MSRB3: variants seen among roughly 807,000 people sequenced by gnomAD.
The protein encoded by MSRB3 is methionine sulfoxide reductase B3.
A neutral mutation model predicts 21.0 loss-of-function variants in MSRB3; 13 were observed. The ratio of observed to expected loss-of-function variants is 0.62; its 90% confidence interval spans 0.40 to 0.98. The LOEUF (loss-of-function observed/expected upper bound fraction) is 0.98, where lower values mean the gene tolerates loss of function less well. Ranked by LOEUF, MSRB3 falls within the 50% of genes least tolerant of loss-of-function variation. The probability of loss-of-function intolerance (pLI) is 0.00; values close to 1 mark genes in which losing one functional copy is unlikely to be tolerated. For synonymous variants in MSRB3, 87 were observed against 88.6 expected, an observed-to-expected ratio of 0.98 and a Z score of 0.10; for missense variants, 199 against 230.3, an observed-to-expected ratio of 0.86 and a Z score of 0.88.
At chr12:65,356,750 A>G (rs1253871796) in intron 4 of MSRB3, among the ~76,000 whole-genome samples, 4 of 151,908 alleles carry the variant, frequency 2.6e-5, no homozygotes, top group African/African-American at 9.7e-5. Flanking sequence ...AAATTCTTCA[A>G]TTGTGCTTTT....
intron 4 of MSRB3, among the ~76,000 whole-genome samples, chr12:65,340,595 A>T (rs1876073116): frequency 6.6e-6 from 1 of 152,130 alleles, no homozygotes; most frequent in African/African-American, 2.4e-5. Flanking sequence ...CATCCAGATA[A>T]ATTAACATGA....
intron 6 of MSRB3, among the ~76,000 whole-genome samples, chr12:65,455,349 G>C (rs1883040481): frequency 1.3e-5 from 2 of 152,002 alleles, no homozygotes; most frequent in South Asian, 4.1e-4. Flanking sequence ...CACATTTTCA[G>C]CTCACTCTTG....
chr12:65,405,580 A>T (rs1880369721), intron 5 of MSRB3, among the ~76,000 whole-genome samples: 1 of 152,080 alleles, frequency 6.6e-6, no homozygotes, highest in Admixed American at 6.5e-5. Flanking sequence ...CAACATACTG[A>T]CTTCATATTT....
chr12:65,313,224 T>C (rs974818897), intron 2 of MSRB3, among the ~76,000 whole-genome samples: 5 of 152,152 alleles, frequency 3.3e-5, no homozygotes, highest in African/African-American at 1.2e-4. Flanking sequence ...TGTTGTGCTT[T>C]AAAGTCTCCA....
intron 4 of MSRB3, among the ~76,000 whole-genome samples, chr12:65,334,012 A>T (rs920847393): frequency 1.3e-5 from 2 of 152,220 alleles, no homozygotes; most frequent in African/African-American, 4.8e-5. Context: ...GGAAATAGGG[A>T]TGTTAATTAA....
At chr12:65,359,137 G>A (rs773271290) in intron 4 of MSRB3, among the ~76,000 whole-genome samples, 7 of 151,880 alleles carry the variant, frequency 4.6e-5, no homozygotes, top group African/African-American at 7.3e-5. Flanking sequence ...ACAATGGTGC[G>A]TTTAGGCCCT....
At chr12:65,409,127 T>C (rs1049019940) in intron 5 of MSRB3, among the ~76,000 whole-genome samples, 1 of 151,300 alleles carries the variant, frequency 6.6e-6, no homozygotes, top group Non-Finnish European at 1.5e-5. Flanking sequence ...TATATATATA[T>C]ATACACAAAA....
chr12:65,360,969 C>T (rs1877665282), intron 4 of MSRB3, among the ~76,000 whole-genome samples: 1 of 152,040 alleles, frequency 6.6e-6, no homozygotes, highest in Non-Finnish European at 1.5e-5. Context: ...ATTTTTATTA[C>T]TATTCTCTTA....
chr12:65,420,197 A>T (rs1316766577), intron 5 of MSRB3, among the ~76,000 whole-genome samples: 1 of 152,170 alleles, frequency 6.6e-6, no homozygotes, highest in Non-Finnish European at 1.5e-5. Context: ...CATCTTTTTC[A>T]AAAATAAATT....
At chr12:65,400,523 G>C (rs1880065874) in intron 5 of MSRB3, among the ~76,000 whole-genome samples, 1 of 151,982 alleles carries the variant, frequency 6.6e-6, no homozygotes, top group African/African-American at 2.4e-5. Context: ...AATCAGGCTA[G>C]TGGTCTATCT....
intron 5 of MSRB3, among the ~76,000 whole-genome samples, chr12:65,427,116 T>G (rs1212694376): frequency 6.6e-6 from 1 of 152,204 alleles, no homozygotes; most frequent in African/African-American, 2.4e-5. Context: ...TTATGTTTCT[T>G]GTTGCCTTAT....
intron 6 of MSRB3, among the ~76,000 whole-genome samples, chr12:65,460,385 GT>G (rs1288971330): frequency 6.6e-6 from 1 of 151,600 alleles, no homozygotes; most frequent in East Asian, 1.9e-4. Flanking sequence ...AAGAAACCGG[GT>G]AACAGTCCTT....
At chr12:65,406,862 C>T (rs1030680551) in intron 5 of MSRB3, among the ~76,000 whole-genome samples, 10 of 152,142 alleles carry the variant, frequency 6.6e-5, no homozygotes, top group African/African-American at 2.4e-4. Flanking sequence ...GTCCATTTTG[C>T]CTTTTTGTGT....
rs545715410 is a variant in MSRB3, at chr12:65,337,087, C to CA, written c.263+8490dup. Among the ~76,000 whole-genome samples, 843 of 152,028 alleles carry CA rather than the reference C, an allele frequency of 5.5e-3. 7 individuals carry two copies. The highest frequency in any genetic ancestry group is 0.024 in the South Asian group (117 of 4,806). On this transcript the variant is annotated intron_variant, in intron 4 of 6. Transcript: ENST00000308259. The stretch of plus-strand genomic sequence containing the variant: ...TGAAACCTCATCTCTACTAAAAATA[C>CA]AAAAAATTAGCCGGGCGCAGTGGCG...
At chr12:65,368,679 T>G (rs1878147261) in intron 4 of MSRB3, among the ~76,000 whole-genome samples, 1 of 152,204 alleles carries the variant, frequency 6.6e-6, no homozygotes, top group Non-Finnish European at 1.5e-5. Context: ...TGCTTTATTA[T>G]CTTACTGAAA....
At chr12:65,363,012 G>T (rs1490664274) in intron 4 of MSRB3, among the ~76,000 whole-genome samples, 2 of 152,082 alleles carry the variant, frequency 1.3e-5, no homozygotes, top group Non-Finnish European at 2.9e-5. Context: ...ATTTGACTTG[G>T]ATTGTTTTAC....
chr12:65,287,016 T>C (rs2136388717), intron 1 of MSRB3, among the ~76,000 whole-genome samples: 1 of 92,796 alleles, frequency 1.1e-5, no homozygotes, highest in Middle Eastern at 4.2e-3. Flanking sequence ...GCGAGACCCT[T>C]TCTCAAAAAA....
chr12:65,394,986 C>T (rs1314299981), intron 5 of MSRB3, among the ~76,000 whole-genome samples: 1 of 152,040 alleles, frequency 6.6e-6, no homozygotes, highest in East Asian at 1.9e-4. Context: ...AGAATGCTTT[C>T]CCCAAAACAA....
At chr12:65,457,642 A>G (rs1482212246) in intron 6 of MSRB3, among the ~76,000 whole-genome samples, 2 of 152,174 alleles carry the variant, frequency 1.3e-5, no homozygotes, top group South Asian at 2.1e-4. Flanking sequence ...AAAAGAAACT[A>G]TCATCAGACT....
Sources: gnomAD v4.1 joint callset for allele counts (sites outside exome capture counted in the v4.1 genomes callset) on GRCh38, gnomAD v4.1.1 for gene constraint, MANE v1.5 for transcripts, NCBI Gene and HGNC (gene_info 2026-07-23, HGNC 2026-07-21) for gene names.